The following HGD variants were observed in gnomAD, a reference collection of about 807,000 sequenced individuals.
HGD encodes the protein homogentisate oxidase.
Under a neutral mutation model 60.8 loss-of-function variants are expected in HGD, and 61 were observed. The ratio of observed to expected loss-of-function variants is 1.00; its 90% CI spans 0.82 to 1.24. The LOEUF is 1.24. Ranked by LOEUF, HGD falls within the 50% of genes most tolerant of loss-of-function variation. HGD has a pLI of 0.00. For missense variants in HGD, 542 were observed against 547.1 expected (o/e 0.99, Z 0.09); for synonymous variants, 212 against 187.7 (o/e 1.13, Z -1.06).
chr3:120,644,359 A>T lies in HGD; in HGVS notation c.734T>A (p.Val245Asp), dbSNP rs1941089914. The T allele has an allele frequency of 1.2e-6, 2 of 1,614,152 alleles. No individual in the cohort carries two copies. The highest frequency in any genetic ancestry group is 1.7e-6 in the Non-Finnish European group (2 of 1,180,016). ...CAGCTTGCCCTGGTATTTATTAATGACCGTGTAACCACCTGGTACTTGGCG... is the reference window on the plus strand; with the variant it reads ...CAGCTTGCCCTGGTATTTATTAATGTCCGTGTAACCACCTGGTACTTGGCG... The part of the protein sequence containing the change: ...EDRQVPGGYT[V>D]INKYQGKLFA... Residue 245 changes from valine to aspartate, a missense_variant, in exon 10 of 14, where the codon GTC (valine) becomes GAC (aspartate). By Grantham distance (152) the Val-to-Asp change is radical. Coordinates refer to ENST00000283871, the MANE Select transcript of HGD (RefSeq NM_000187.4).
rs1491569082 is a variant in HGD at position 120,630,825 on chromosome 3, T to TATATATACAC, written c.1189-2297_1189-2296insGTGTATATAT. On this transcript the variant is annotated intron_variant, in intron 13 of 13. Transcript: ENST00000283871. ...ATATATATATATATATATATATATA[T>TATATATACAC]ACACATACACACACACATACACACA... Among the ~76,000 whole-genome samples, 285 of 104,108 alleles carry TATATATACAC rather than the reference T, an allele frequency of 2.7e-3. 2 individuals are homozygous for TATATATACAC. The highest frequency in any genetic ancestry group is 4.9e-3 in the Middle Eastern group (1 of 204). 68.3% of individuals were successfully genotyped at this position (104,108 alleles called of 152,430 possible). A position where few individuals can be genotyped will look rare whatever the true frequency, so the allele number is the denominator to read the frequency against.
At position 120,635,367 on chromosome 3, in the gene HGD, C is replaced by T. The variant is rs191661832; in HGVS notation, c.1007-2039G>A. On this transcript the variant is annotated intron_variant, in intron 12 of 13. Coordinates refer to ENST00000283871, the MANE Select transcript of HGD (RefSeq NM_000187.4). ...TAGCGGGCGCCTGTAGTCCCAGCTA[C>T]TCAGGAGGCTGAGGCAGGAGAACAG... Among the ~76,000 whole-genome samples, 27 of 150,720 alleles carry T rather than the reference C, an allele frequency of 1.8e-4. No homozygotes were observed. In the East Asian group the frequency reaches 5.1e-3, roughly 29 times the overall value.
At chr3:120,654,693 A>G (rs1941441277) in intron 4 of HGD, among the ~76,000 whole-genome samples, 1 of 152,206 alleles carries the variant, frequency 6.6e-6, no homozygotes, top group Admixed American at 6.5e-5. Flanking sequence ...AAGAAGAGAG[A>G]GAGGGAGAAA....
chr3:120,675,113 A>G (rs1299660507), intron 2 of HGD, 124 bp from the exon 3 acceptor site: 5 of 704,030 alleles, frequency 7.1e-6, no homozygotes, highest in African/African-American at 7.0e-5. Context: ...CTGCAACCCG[A>G]TATGTTTCTT....
At chr3:120,678,926 A>G (rs1049446976) in intron 1 of HGD, among the ~76,000 whole-genome samples, 8 of 152,236 alleles carry the variant, frequency 5.3e-5, no homozygotes, top group Admixed American at 4.6e-4. Context: ...ATTCATTTCC[A>G]GCTGGTTCAG....
intron 13 of HGD, among the ~76,000 whole-genome samples, chr3:120,629,981 C>T (rs1398178421): frequency 2.6e-5 from 4 of 152,114 alleles, no homozygotes; most frequent in African/African-American, 9.7e-5. Context: ...ACACCAACAA[C>T]AGTCAAGCTG....
At chr3:120,662,622 G>A (rs181537793) in intron 4 of HGD, among the ~76,000 whole-genome samples, 1 of 152,282 alleles carries the variant, frequency 6.6e-6, no homozygotes, top group Admixed American at 6.5e-5. Flanking sequence ...TCAGTGTAGT[G>A]AGCTAGGAAA....
intron 12 of HGD, among the ~76,000 whole-genome samples, chr3:120,634,982 A>T (rs1249203128): frequency 6.6e-6 from 1 of 152,214 alleles, no homozygotes; most frequent in Non-Finnish European, 1.5e-5. Context: ...TCAGCTCATG[A>T]CTTAAATTTG....
rs1198848838 is a variant in HGD at position 120,644,365 on chromosome 3, T to G, written c.728A>C (p.Tyr243Ser). Residue 243 changes from tyrosine (Y) to serine (S), a missense_variant, in exon 10 of 14, where the codon TAC (tyrosine) becomes TCC (serine). Around this residue, in one of 2 missense-constraint regions of HGD, gnomAD observed 537 missense variants for 529.1 expected, o/e 1.01. Transcript: ENST00000283871. ...GCCCTGGTATTTATTAATGACCGTG[T>G]AACCACCTGGTACTTGGCGATCCTC... ...WYEDRQVPGG[Y>S]TVINKYQGKL... 1.9e-6 allele frequency: 3 copies of G among 1,614,180 alleles called. No individual in the cohort carries two copies. In the Admixed American group the frequency reaches 5.0e-5, roughly 27 times the overall value.
chr3:120,678,692 TG>T (rs1708178036), intron 1 of HGD, among the ~76,000 whole-genome samples: 1 of 152,232 alleles, frequency 6.6e-6, no homozygotes, highest in Non-Finnish European at 1.5e-5. Context: ...TGCAGGGCAT[TG>T]GCTAAAGAGG....
chr3:120,639,694 C>G (rs1224034554), intron 11 of HGD, among the ~76,000 whole-genome samples: 2 of 151,146 alleles, frequency 1.3e-5, no homozygotes, highest in African/African-American at 4.9e-5. Context: ...ATGTGCTCCT[C>G]TTTGGGAGAA....
chr3:120,663,800 T>C (rs984839765), intron 4 of HGD, among the ~76,000 whole-genome samples: 1 of 151,734 alleles, frequency 6.6e-6, no homozygotes, highest in East Asian at 1.9e-4. Flanking sequence ...ATTTATTGGA[T>C]TATAATATAA....
At chr3:120,632,595 G>C (rs1940625233) in intron 13 of HGD, among the ~76,000 whole-genome samples, 1 of 152,168 alleles carries the variant, frequency 6.6e-6, no homozygotes, top group South Asian at 2.1e-4. Flanking sequence ...AGGGCTTTTT[G>C]ACCCTCCTTG....
chr3:120,654,269 C>T (rs1395622458), intron 4 of HGD, among the ~76,000 whole-genome samples: 10 of 152,224 alleles, frequency 6.6e-5, no homozygotes, highest in East Asian at 5.8e-4. Flanking sequence ...TGGTTGCCTG[C>T]GTAATCTTTT....
intron 4 of HGD, among the ~76,000 whole-genome samples, chr3:120,654,316 G>C (rs575675836): frequency 6.6e-6 from 1 of 152,162 alleles, no homozygotes; most frequent in African/African-American, 2.4e-5. Context: ...GGCCACTCAT[G>C]AGAATCACAT....
chr3:120,667,326 CAAAAAAAAAAAAA>C (rs71133514), intron 4 of HGD, among the ~76,000 whole-genome samples: 2 of 60,076 alleles, frequency 3.3e-5, no homozygotes, highest in East Asian at 6.8e-4. Context: ...ACTCTTGTCT[CAAAAAAAAAAAAA>C]AAAAAAAAAA....
intron 13 of HGD, among the ~76,000 whole-genome samples, chr3:120,630,798 T>TTATATATATATATATATATATATATATA (rs61375071): frequency 1.7e-4 from 15 of 88,000 alleles, no homozygotes; most frequent in African/African-American, 6.8e-4. Flanking sequence ...CTTAAGAGCT[T>TTATATATATATATATATATATATATATA]TATATATATA....
chr3:120,669,389 C>G (rs1402170429), intron 4 of HGD, among the ~76,000 whole-genome samples: 1 of 151,786 alleles, frequency 6.6e-6, no homozygotes, highest in Non-Finnish European at 1.5e-5. Context: ...GTCCGAACTA[C>G]TCCTGTGTCC....
intron 1 of HGD, among the ~76,000 whole-genome samples, chr3:120,681,246 G>A (rs1386022674): frequency 6.6e-6 from 1 of 152,256 alleles, no homozygotes; most frequent in Non-Finnish European, 1.5e-5. Context: ...CTTGGCCTGA[G>A]CCAAGGTTCT....
Sources: gnomAD v4.1 joint callset for allele counts (sites outside exome capture counted in the v4.1 genomes callset) on GRCh38, gnomAD v4.1.1 for gene constraint, gnomAD v4.1.1 regional missense constraint, MANE v1.5 for transcripts, NCBI Gene and HGNC (gene_info 2026-07-23, HGNC 2026-07-21) for gene names.